The following ABCA13 variants were observed in gnomAD, a reference collection of about 807,000 sequenced individuals.
ABCA13 encodes ATP-binding cassette sub-family A member 13.
Under a neutral mutation model 478.7 loss-of-function variants are expected in ABCA13, and 476 were observed. The observed-to-expected ratio is 0.99, with a 90% confidence interval of 0.92 to 1.07. The LOEUF (loss-of-function observed/expected upper bound fraction) is 1.07. Ranked by LOEUF, ABCA13 falls within the 50% of genes least tolerant of loss-of-function variation. The pLI is 0.00. For missense variants in ABCA13, 6,060 were observed against 5,910.6 expected (o/e 1.03, Z -0.83); for synonymous variants, 2,252 against 2,158.9 (o/e 1.04, Z -1.20).
At chr7:48,582,900 C>T (rs970790952) in intron 56 of ABCA13, among the ~76,000 whole-genome samples, 3 of 152,084 alleles carry the variant, frequency 2.0e-5, no homozygotes, top group African/African-American at 7.2e-5. Flanking sequence ...TTTAATTAAC[C>T]TTGTAAAGCA....
At chr7:48,195,906 G>A (rs1481181162) in intron 2 of ABCA13, among the ~76,000 whole-genome samples, 5 of 152,072 alleles carry the variant, frequency 3.3e-5, no homozygotes, top group African/African-American at 9.7e-5. Flanking sequence ...GGGCAGTTCA[G>A]TAGAGGGATA....
intron 37 of ABCA13, among the ~76,000 whole-genome samples, chr7:48,389,705 G>A (rs1815754946): frequency 6.6e-6 from 1 of 152,106 alleles, no homozygotes; most frequent in Admixed American, 6.5e-5. Context: ...GTTTGGTTTA[G>A]GATTCAATGG....
chr7:48,201,001 TTCAAAGGCGGGTCCAGGGG>T (rs2128918322), intron 3 of ABCA13, among the ~76,000 whole-genome samples: 1 of 150,474 alleles, frequency 6.6e-6, no homozygotes, highest in Admixed American at 6.6e-5. Context: ...AGAATAAGAG[TTCAAAGGCGGGTCCAGGGG>T]TCCTGAGCAT....
intron 30 of ABCA13, among the ~76,000 whole-genome samples, chr7:48,351,022 T>A (rs1420731346): frequency 6.6e-6 from 1 of 152,218 alleles, no homozygotes; most frequent in Non-Finnish European, 1.5e-5. Context: ...TAATGAAAAG[T>A]TGTACCTTAT....
At chr7:48,340,042 G>A (rs190744495) in intron 29 of ABCA13, among the ~76,000 whole-genome samples, 1 of 152,240 alleles carries the variant, frequency 6.6e-6, no homozygotes, top group Admixed American at 6.5e-5. Context: ...AAGATATACT[G>A]ATGCAACTTT....
rs1410711276 is a variant in ABCA13 at position 48,278,717 on chromosome 7, A to G, written c.7523A>G (p.Asp2508Gly). 1.2e-6 allele frequency: 2 copies of G among 1,613,978 alleles called. No homozygotes were observed. Among genetic ancestry groups the G allele is most frequent in the Non-Finnish European group, 8.5e-7 (1 of 1,179,872 alleles). Residue 2508 changes from aspartate to glycine, a missense_variant, in exon 18 of 62, where the codon GAC (aspartate) becomes GGC (glycine). By Grantham distance (94) the Asp-to-Gly change is moderately conservative. Coordinates refer to ENST00000435803, the MANE Select transcript of ABCA13 (RefSeq NM_152701.5). ...GGGACTCTGGTCATGCTGTTGAATG[A>G]CAGTGCTGACCTGAGAGATCTTGCC... ...MSGTLVMLLNDSADLRDLATS... is the reference protein window; with the variant it reads ...MSGTLVMLLNGSADLRDLATS...
intron 55 of ABCA13, among the ~76,000 whole-genome samples, chr7:48,552,223 GTTTT>G (rs1785393035): frequency 6.6e-6 from 1 of 151,594 alleles, no homozygotes; most frequent in Non-Finnish European, 1.5e-5. Flanking sequence ...CTTTCCTTGG[GTTTT>G]ATGTTTCTAT....
chr7:48,317,700 G>A (rs1802798679), intron 27 of ABCA13, among the ~76,000 whole-genome samples: 2 of 152,200 alleles, frequency 1.3e-5, no homozygotes, highest in Non-Finnish European at 2.9e-5. Context: ...ACAAACTGAT[G>A]TATTAGCAGT....
chr7:48,281,046 C>T (rs1309438447), intron 18 of ABCA13, among the ~76,000 whole-genome samples: 2 of 152,120 alleles, frequency 1.3e-5, no homozygotes, highest in Non-Finnish European at 2.9e-5. Context: ...TGTTTTGACA[C>T]CTTTTCAACA....
chr7:48,437,256 T>G (rs12718270), intron 42 of ABCA13, among the ~76,000 whole-genome samples: 1 of 151,654 alleles, frequency 6.6e-6, no homozygotes, highest in African/African-American at 2.4e-5. Flanking sequence ...ACTCTTTTTT[T>G]AAAGGGTCAA....
At chr7:48,249,477 ATTTGGCATTGTGATTAC>A (rs1792200739) in intron 15 of ABCA13, 126 bp downstream of exon 15, 1 of 1,241,854 alleles carries the variant, frequency 8.1e-7, no homozygotes, top group African/African-American at 1.5e-5. Flanking sequence ...TCCAAGCACA[ATTTGGCATTGTGATTAC>A]TTCATATAAT....
At chr7:48,497,535 C>T (rs941775165) in intron 48 of ABCA13, among the ~76,000 whole-genome samples, 6 of 152,218 alleles carry the variant, frequency 3.9e-5, no homozygotes, top group African/African-American at 1.4e-4. Flanking sequence ...GATTCCTTTT[C>T]CTAGCAGGCA....
chr7:48,371,887 C>A lies in ABCA13; in HGVS notation c.10804-281C>A, dbSNP rs555800934. Reference sequence around the variant, plus strand: ...GTGCCAGTTTTTAAGGGGAATGCTTCCAGCTTTTGTCCATTCAGTATGATA... The same window carrying A: ...GTGCCAGTTTTTAAGGGGAATGCTTACAGCTTTTGTCCATTCAGTATGATA... On this transcript the variant is annotated intron_variant, in intron 32 of 61. Coordinates refer to ENST00000435803, the MANE Select transcript of ABCA13 (RefSeq NM_152701.5). 2.0e-5 allele frequency among the ~76,000 whole-genome samples: 3 copies of A among 152,204 alleles called. No homozygotes were observed. The South Asian group carries it at 6.2e-4, about 32-fold the overall frequency.
At chr7:48,253,491 A>C (rs1792891269) in intron 15 of ABCA13, among the ~76,000 whole-genome samples, 1 of 152,184 alleles carries the variant, frequency 6.6e-6, no homozygotes, top group South Asian at 2.1e-4. Context: ...ATTTTCTTGC[A>C]TTATTAGGGA....
chr7:48,584,268 C>A (rs888464832), intron 56 of ABCA13, among the ~76,000 whole-genome samples: 1 of 152,026 alleles, frequency 6.6e-6, no homozygotes, highest in Non-Finnish European at 1.5e-5. Context: ...TAAAAATAAC[C>A]AAAACAATCA....
At chr7:48,252,775 A>G (rs1562885609) in intron 15 of ABCA13, among the ~76,000 whole-genome samples, 1 of 152,098 alleles carries the variant, frequency 6.6e-6, no homozygotes, top group Non-Finnish European at 1.5e-5. Flanking sequence ...TAATTTATTT[A>G]TCAAGTAAGT....
chr7:48,597,127 A>AT (rs1171645608), intron 58 of ABCA13, among the ~76,000 whole-genome samples: 3 of 151,518 alleles, frequency 2.0e-5, no homozygotes, highest in Non-Finnish European at 2.9e-5. Flanking sequence ...AATTTTTTGT[A>AT]TTTTAGTAGA....
intron 52 of ABCA13, among the ~76,000 whole-genome samples, chr7:48,519,610 A>G (rs527261705): frequency 1.1e-4 from 17 of 152,156 alleles, no homozygotes; most frequent in Admixed American, 6.5e-5. Flanking sequence ...CATGTTTTCT[A>G]ATTTATTTCT....
chr7:48,226,381 C>A (rs559328328), intron 5 of ABCA13, among the ~76,000 whole-genome samples: 1 of 152,172 alleles, frequency 6.6e-6, no homozygotes, highest in Non-Finnish European at 1.5e-5. Flanking sequence ...AGTTCTGAGA[C>A]CCTCTTTTCA....
Sources: allele counts gnomAD v4.1 joint callset (sites outside exome capture counted in the v4.1 genomes callset), GRCh38; gene constraint gnomAD v4.1.1; transcripts MANE v1.5; gene names NCBI Gene and HGNC (gene_info 2026-07-23, HGNC 2026-07-21).